AANAT: variants seen among roughly 807,000 people sequenced by gnomAD.
AANAT encodes the protein serotonin N-acetyltransferase.
AANAT carries 11 observed loss-of-function variants against 15.6 expected under a neutral mutation model. The observed-to-expected ratio is 0.71, with a 90% CI of 0.44 to 1.17. AANAT has a LOEUF of 1.17. Ranked by LOEUF, AANAT falls within the 50% of genes most tolerant of loss-of-function variation. The pLI, the probability that AANAT is intolerant of heterozygous loss-of-function variation, is 0.00. For missense variants in AANAT, 286 were observed against 296.3 expected (o/e 0.97, Z 0.26); for synonymous variants, 139 against 131.5 (o/e 1.06, Z -0.39).
upstream of AANAT, among the ~76,000 whole-genome samples, chr17:76,465,043 C>T (rs1259817699): frequency 2.0e-5 from 3 of 149,454 alleles, no homozygotes; most frequent in African/African-American, 4.9e-5. Context: ...GTGATCCACC[C>T]GCCTCAGCCT....
chr17:76,455,623 T>G (rs1354790263), intron 1 of AANAT, among the ~76,000 whole-genome samples: 1 of 98,868 alleles, frequency 1.0e-5, no homozygotes, highest in Non-Finnish European at 2.6e-5. Flanking sequence ...AACGAAAGAC[T>G]AGTAAGTTGG....
exon 1 of AANAT, chr17:76,453,385 G>A (rs2073299223): frequency 6.3e-6 from 2 of 315,714 alleles, no homozygotes; most frequent in Non-Finnish European, 1.2e-5. Flanking sequence ...GACCAGTGAG[G>A]ATTCAACTAA....
chr17:76,461,119 C>T (rs1451763858), intron 2 of AANAT, among the ~76,000 whole-genome samples: 1 of 151,676 alleles, frequency 6.6e-6, no homozygotes. Flanking sequence ...GAGCCGAAAT[C>T]GCGCCACTGC....
Position 76,469,729 on chromosome 17 carries a change from G to C in AANAT, c.383G>C (p.Arg128Pro), listed in dbSNP as rs150357567. 3.9e-6 allele frequency: 6 copies of C among 1,553,550 alleles called. No homozygotes were observed. Among genetic ancestry groups the C allele is most frequent in the Non-Finnish European group, 5.2e-6 (6 of 1,148,812 alleles). ...CACCTGCATGTGCTGGCCGTGCACC[G>C]CGCCTTCCGGCAGCAGGGCAGGGGC... ...IAHLHVLAVH[R>P]AFRQQGRGPI... The change falls in exon 4 of 4, where the codon CGC becomes CCC. Residue 128 changes from arginine (R) to proline (P), a missense_variant. Arg to Pro is a moderately radical substitution (Grantham distance 103, BLOSUM62 -2). Transcript: ENST00000392492. The surrounding 1 kb of genome is among the most constrained non-coding windows in gnomAD (Gnocchi z 5.2).
upstream of AANAT, among the ~76,000 whole-genome samples, chr17:76,464,849 A>T (rs1281039000): frequency 6.6e-6 from 1 of 151,432 alleles, no homozygotes; most frequent in African/African-American, 2.4e-5. Flanking sequence ...AGGCTGGAGT[A>T]CAATGGCACG....
upstream of AANAT, chr17:76,466,201 A>G: frequency 6.5e-7 from 1 of 1,536,666 alleles, no homozygotes; most frequent in African/African-American, 1.4e-5. Context: ...AAGGGACAGA[A>G]GAGGCCTTTT....
chr17:76,469,275 G>C lies in AANAT; in HGVS notation c.266G>C (p.Cys89Ser). The change falls in exon 3 of 4, where the codon TGC (cysteine) becomes TCC (serine). Residue 89 changes from cysteine (C) to serine (S), a missense_variant. Cys to Ser is a moderately radical substitution (Grantham distance 112, BLOSUM62 -1). Transcript: ENST00000392492. The surrounding 1 kb of genome is among the most constrained non-coding windows in gnomAD (Gnocchi z 5.2). ...TCCCTGGGCTGGTTCGAGGAGGGCT[G>C]CCTTGTGGCCTTCATCATCGGCTCG... ...ELSLGWFEEGCLVAFIIGSLW... is the reference protein window; with the variant it reads ...ELSLGWFEEGSLVAFIIGSLW... 6.2e-7 allele frequency: 1 copy of C among 1,614,194 alleles called. No homozygotes were observed. Among genetic ancestry groups the C allele is most frequent in the Non-Finnish European group, 8.5e-7 (1 of 1,180,040 alleles).
chr17:76,457,818 T>C (rs532584980), intron 1 of AANAT, among the ~76,000 whole-genome samples: 2 of 152,302 alleles, frequency 1.3e-5, no homozygotes, highest in Non-Finnish European at 2.9e-5. Context: ...GGTGGGTGGA[T>C]CACCTGAGGT....
chr17:76,464,805 T>A (rs567454064), upstream of AANAT, among the ~76,000 whole-genome samples: 339 of 151,884 alleles, frequency 2.2e-3, no homozygotes, highest in African/African-American at 7.6e-3. Flanking sequence ...ATATATTTTT[T>A]TTTTTTGAGA....
upstream of AANAT, chr17:76,466,334 C>G: frequency 1.1e-6 from 1 of 906,636 alleles, no homozygotes; most frequent in Non-Finnish European, 1.6e-6. Flanking sequence ...TCCCTTCTAG[C>G]AGGCAGGTGG....
At chr17:76,464,353 A>G (rs2073417770), upstream of AANAT, among the ~76,000 whole-genome samples, 1 of 151,974 alleles carries the variant, frequency 6.6e-6, no homozygotes, top group Admixed American at 6.6e-5. Context: ...AAAAAAAAAA[A>G]AAAAAGAATA....
Position 76,469,054 on chromosome 17 carries a change from A to G in AANAT, c.164-119A>G, listed in dbSNP as rs2073477924. On this transcript the variant is annotated intron_variant, in intron 2 of 3. Coordinates refer to ENST00000392492, the MANE Select transcript of AANAT (RefSeq NM_001088.3). The surrounding 1 kb of genome is among the most constrained non-coding windows in gnomAD (Gnocchi z 5.2). ...CGCTCAAGAAAGTGGGGGAAACAGCAGCCCTAACCCCCATTTTCCTGTGGG... is the reference window on the plus strand; with the variant it reads ...CGCTCAAGAAAGTGGGGGAAACAGCGGCCCTAACCCCCATTTTCCTGTGGG... 6.6e-7 allele frequency: 1 copy of G among 1,505,324 alleles called. No individual in the cohort carries two copies. The highest frequency in any genetic ancestry group is 9.1e-7 in the Non-Finnish European group (1 of 1,103,534). The allele number at this position is 1,505,324 out of a possible 1,614,324, so 93.2% of individuals were successfully genotyped here. A position where few individuals can be genotyped will look rare whatever the true frequency, so the allele number is the denominator to read the frequency against.
chr17:76,460,716 T>A (rs1246694116), intron 2 of AANAT, among the ~76,000 whole-genome samples: 2 of 152,142 alleles, frequency 1.3e-5, no homozygotes, highest in East Asian at 3.9e-4. Flanking sequence ...GGTCCCTTCT[T>A]TGTCCAGGAG....
At chr17:76,453,602 T>C (rs2073303937) in exon 1 of AANAT, 2 of 156,214 alleles carry the variant, frequency 1.3e-5, no homozygotes, top group African/African-American at 4.8e-5. Flanking sequence ...GTTTCCAGTC[T>C]AGTTGGGGAG....
chr17:76,469,568 C>A lies in AANAT; in HGVS notation c.319-97C>A. The A allele has an allele frequency of 7.4e-7, 1 of 1,357,636 alleles. No homozygotes were observed. Among genetic ancestry groups the A allele is most frequent in the Non-Finnish European group, 9.7e-7 (1 of 1,030,306 alleles). 84.1% of individuals were successfully genotyped at this position (1,357,636 alleles called of 1,614,324 possible). A position where few individuals can be genotyped will look rare whatever the true frequency, so the allele number is the denominator to read the frequency against. ...CTGGGGTGGGTGCCCTGACCACAGGCACCCAGGGGACACCTGCTCCCTGCC... is the reference window on the plus strand; with the variant it reads ...CTGGGGTGGGTGCCCTGACCACAGGAACCCAGGGGACACCTGCTCCCTGCC... On this transcript the variant is annotated intron_variant, in intron 3 of 3. Transcript: ENST00000392492. The surrounding 1 kb of genome is among the most constrained non-coding windows in gnomAD (Gnocchi z 5.2).
Position 76,458,944 on chromosome 17 carries a change from C to T in AANAT, c.-575-303C>T, listed in dbSNP as rs548775615. 3.8e-4 allele frequency among the ~76,000 whole-genome samples: 58 copies of T among 152,196 alleles called. 1 individual carries two copies. Among genetic ancestry groups the T allele is most frequent in the Non-Finnish European group, 5.1e-4 (35 of 68,034 alleles). On this transcript the variant is annotated intron_variant, in intron 1 of 6. Transcript: ENST00000250615. ...ATGTGGCTGGCTGAAGAAATGCCTC[C>T]GAGGCTCCAGCTGAATGCCGCTCAA... is the stretch of plus-strand genomic sequence containing the variant.
Position 76,469,619 on chromosome 17 carries a change from G to A in AANAT, c.319-46G>A, listed in dbSNP as rs1385170686. 12 of 1,430,912 alleles carry A rather than the reference G, an allele frequency of 8.4e-6. No homozygotes were observed. Among genetic ancestry groups the A allele is most frequent in the South Asian group, 3.0e-5 (2 of 67,548 alleles). The allele number at this position is 1,430,912 out of a possible 1,614,324, so 88.6% of individuals were successfully genotyped here. ...TGGGTTGGTGGTTGGGGGGGAGCACGTGTCAGCAGAAGTGACCTGGGATCT... is the reference window on the plus strand; with the variant it reads ...TGGGTTGGTGGTTGGGGGGGAGCACATGTCAGCAGAAGTGACCTGGGATCT... On this transcript the variant is annotated intron_variant, in intron 3 of 3. Transcript: ENST00000392492. The surrounding 1 kb of genome is among the most constrained non-coding windows in gnomAD (Gnocchi z 5.2).
upstream of AANAT, among the ~76,000 whole-genome samples, chr17:76,462,935 G>T (rs2073403197): frequency 6.6e-6 from 1 of 152,214 alleles, no homozygotes; most frequent in Non-Finnish European, 1.5e-5. Context: ...ATGGCCATGG[G>T]GCCCACTCCT....
At chr17:76,458,195 C>T (rs983538235) in intron 1 of AANAT, among the ~76,000 whole-genome samples, 6 of 151,838 alleles carry the variant, frequency 4.0e-5, no homozygotes, top group Admixed American at 3.3e-4. Flanking sequence ...TTCAAGTGCC[C>T]CCAGTTTCAA....
Sources: allele counts gnomAD v4.1 joint callset (sites outside exome capture counted in the v4.1 genomes callset), GRCh38; gene constraint gnomAD v4.1.1; non-coding constraint Gnocchi (gnomAD v3.1); transcripts MANE v1.5; gene names NCBI Gene and HGNC (gene_info 2026-07-23, HGNC 2026-07-21).